Variants in TRHDE observed in about 807,000 individuals in gnomAD.
TRHDE encodes the protein thyrotropin releasing hormone degrading enzyme.
In TRHDE, 72 loss-of-function variants were observed where a neutral mutation model predicts 125.7. That is an observed-to-expected ratio of 0.57 (90% CI 0.47 to 0.70). The LOEUF is 0.70. TRHDE is among the 30% of genes least tolerant of loss of function. The pLI is 0.00. For synonymous variants in TRHDE, 509 were observed against 509.1 expected (o/e 1.00, Z 0.00); for missense variants, 1,110 against 1,327.1 (o/e 0.84, Z 2.54).
At chr12:72,456,491 G>T (rs955537000) in intron 3 of TRHDE, among the ~76,000 whole-genome samples, 6 of 152,166 alleles carry the variant, frequency 3.9e-5, no homozygotes, top group Admixed American at 1.3e-4. Flanking sequence ...AGGAGGACAA[G>T]AAAAAACAAA....
In TRHDE at chr12:72,613,080, C is replaced by T. The variant is rs541452510; in HGVS notation, c.2322-5811C>T. On this transcript the variant is annotated intron_variant, in intron 12 of 18. Transcript: ENST00000261180. The stretch of plus-strand genomic sequence containing the variant: ...GAAGAAGGAACTCTAGAAATCATGT[C>T]GTTTACCCTTGCCAATTTTCTGACT... Among the ~76,000 whole-genome samples the T allele has an allele frequency of 4.6e-5, 7 of 152,206 alleles. 1 individual carries two copies. The highest frequency in any genetic ancestry group is 4.1e-4 in the South Asian group (2 of 4,824).
At chr12:72,498,963 ATG>A (rs72163048) in intron 5 of TRHDE, among the ~76,000 whole-genome samples, 49,338 of 146,818 alleles carry the variant, frequency 0.34, 9,965 homozygotes, top group African/African-American at 0.58. Flanking sequence ...CAGAAAATAA[ATG>A]TGTGTGTGTG....
intron 7 of TRHDE, among the ~76,000 whole-genome samples, chr12:72,547,731 G>T (rs975157189): frequency 1.3e-5 from 2 of 151,628 alleles, no homozygotes. Context: ...CCCAACCCAG[G>T]ACTTTCTCCT....
At chr12:72,599,737 A>G (rs1331224945) in intron 12 of TRHDE, among the ~76,000 whole-genome samples, 1 of 151,864 alleles carries the variant, frequency 6.6e-6, no homozygotes, top group East Asian at 1.9e-4. Context: ...TCACTTGTCA[A>G]TTTCTATTTT....
At chr12:72,248,612 G>A (rs865779140) in intron 2 of TRHDE, among the ~76,000 whole-genome samples, 13 of 152,212 alleles carry the variant, frequency 8.5e-5, no homozygotes, top group Middle Eastern at 3.4e-3. Context: ...AATGCAGAAG[G>A]TTTAGAATTT....
intron 1 of TRHDE, among the ~76,000 whole-genome samples, chr12:72,280,343 A>T (rs1429703680): frequency 6.6e-6 from 1 of 152,240 alleles, no homozygotes; most frequent in Non-Finnish European, 1.5e-5. Context: ...TAATTTTATT[A>T]TTCCATGGCT....
chr12:72,597,885 A>G (rs1322274221), intron 12 of TRHDE, among the ~76,000 whole-genome samples: 1 of 150,916 alleles, frequency 6.6e-6, no homozygotes, highest in East Asian at 1.9e-4. Context: ...GTGCTATACT[A>G]TTTCTCCTTA....
chr12:72,356,102 A>ATTT lies in TRHDE; in HGVS notation c.1189-21893_1189-21892insTTT, dbSNP rs534474897. Among the ~76,000 whole-genome samples, 33 of 151,924 alleles carry ATTT rather than the reference A, an allele frequency of 2.2e-4. No homozygotes were observed. The South Asian group carries it at 6.4e-3, about 30-fold the overall frequency. On this transcript the variant is annotated intron_variant, in intron 2 of 18. Coordinates refer to ENST00000261180, the MANE Select transcript of TRHDE (RefSeq NM_013381.3). ...ACACATGCAAGAGAATGTTCATTGCAGCACTATTCACAATAGAAAAGACAT... is the reference window on the plus strand; with the variant it reads ...ACACATGCAAGAGAATGTTCATTGCATTTGCACTATTCACAATAGAAAAGACAT...
At chr12:72,451,762 A>G (rs1460144442) in intron 3 of TRHDE, among the ~76,000 whole-genome samples, 3 of 152,176 alleles carry the variant, frequency 2.0e-5, no homozygotes, top group African/African-American at 7.2e-5. Context: ...AATTCTTTCA[A>G]TACATGAATA....
At chr12:72,204,631 G>C (rs1877627818) in intron 2 of TRHDE, among the ~76,000 whole-genome samples, 1 of 152,040 alleles carries the variant, frequency 6.6e-6, no homozygotes, top group African/African-American at 2.4e-5. Context: ...TACTTTTCTT[G>C]CAATTTCTTC....
chr12:72,450,510 A>G (rs1003002085), intron 3 of TRHDE, among the ~76,000 whole-genome samples: 2 of 152,220 alleles, frequency 1.3e-5, no homozygotes, highest in African/African-American at 4.8e-5. Flanking sequence ...TAATTAACAC[A>G]TGCTTTACCT....
At chr12:72,542,239 C>G in intron 6 of TRHDE, 52 bp from the exon 7 acceptor site, 1 of 1,397,352 alleles carries the variant, frequency 7.2e-7, no homozygotes, top group Non-Finnish European at 9.8e-7. Context: ...AACAACTTTA[C>G]AATCATGATA....
chr12:72,374,250 A>G (rs548250370), intron 2 of TRHDE, among the ~76,000 whole-genome samples: 1 of 151,886 alleles, frequency 6.6e-6, no homozygotes, highest in Admixed American at 6.6e-5. Context: ...ATAGAAGGAA[A>G]GAATTACCAT....
At chr12:72,185,767 A>G (rs1347856230) in intron 2 of TRHDE, among the ~76,000 whole-genome samples, 1 of 151,348 alleles carries the variant, frequency 6.6e-6, no homozygotes, top group African/African-American at 2.4e-5. Context: ...TGTCTAGCTC[A>G]GGGATTGTAA....
chr12:72,088,530 C>T (rs1338720520), intron 1 of TRHDE, among the ~76,000 whole-genome samples: 3 of 151,454 alleles, frequency 2.0e-5, no homozygotes, highest in Non-Finnish European at 4.4e-5. Flanking sequence ...TGAACTCCAG[C>T]ATTACACAAA....
intron 12 of TRHDE, among the ~76,000 whole-genome samples, chr12:72,603,151 G>A (rs1872274967): frequency 6.6e-6 from 1 of 152,140 alleles, no homozygotes; most frequent in African/African-American, 2.4e-5. Flanking sequence ...CAAAAAGAAT[G>A]AAAGTGATCT....
chr12:72,600,164 T>G (rs926703517), intron 12 of TRHDE, among the ~76,000 whole-genome samples: 7 of 152,066 alleles, frequency 4.6e-5, no homozygotes, highest in Non-Finnish European at 8.8e-5. Flanking sequence ...GGTCTTATAG[T>G]ATAGTTTGAA....
intron 3 of TRHDE, among the ~76,000 whole-genome samples, chr12:72,456,583 G>T (rs530019274): frequency 8.5e-5 from 13 of 152,146 alleles, no homozygotes; most frequent in African/African-American, 3.1e-4. Context: ...TTGAGCTAAA[G>T]AACCCTCATG....
chr12:72,328,969 A>T (rs1271460534), intron 2 of TRHDE, among the ~76,000 whole-genome samples: 4 of 152,066 alleles, frequency 2.6e-5, no homozygotes, highest in Non-Finnish European at 1.5e-5. Flanking sequence ...ATATGGTTTC[A>T]TTTCTCTGGT....
Sources: gnomAD v4.1 joint callset for allele counts (sites outside exome capture counted in the v4.1 genomes callset) on GRCh38, gnomAD v4.1.1 for gene constraint, MANE v1.5 for transcripts, NCBI Gene and HGNC (gene_info 2026-07-23, HGNC 2026-07-21) for gene names.